CCSER1: variants seen among roughly 807,000 people sequenced by gnomAD.
CCSER1 encodes the protein coiled-coil serine rich protein 1, also known as serine-rich coiled-coil domain-containing protein 1.
In CCSER1, 41 loss-of-function variants were observed where a neutral mutation model predicts 82.0. The ratio of observed to expected loss-of-function variants is 0.50; its 90% CI spans 0.39 to 0.65. The LOEUF (loss-of-function observed/expected upper bound fraction) is 0.65. Ranked by LOEUF, CCSER1 falls within the 30% of genes least tolerant of loss-of-function variation. CCSER1 has a pLI of 0.00. For synonymous variants in CCSER1, 414 were observed against 383.9 expected (o/e 1.08, Z -0.92); for missense variants, 1,119 against 1,064.2 (o/e 1.05, Z -0.72).
chr4:90,364,909 A>AT (rs1400015228), intron 3 of CCSER1, among the ~76,000 whole-genome samples: 6 of 151,922 alleles, frequency 3.9e-5, no homozygotes, highest in Admixed American at 3.9e-4. Context: ...TCATTAATCC[A>AT]TACAATGACT....
At chr4:90,875,205 A>G (rs1253019201) in intron 8 of CCSER1, among the ~76,000 whole-genome samples, 1 of 152,168 alleles carries the variant, frequency 6.6e-6, no homozygotes, top group East Asian at 1.9e-4. Context: ...CACTTGAACA[A>G]TTACGTGTTG....
chr4:90,535,289 T>C (rs1775173053), intron 5 of CCSER1, among the ~76,000 whole-genome samples: 1 of 152,126 alleles, frequency 6.6e-6, no homozygotes, highest in South Asian at 2.1e-4. Flanking sequence ...AGTATAGGCA[T>C]TAGACATCAT....
chr4:91,492,556 C>T (rs1258119247), intron 10 of CCSER1, among the ~76,000 whole-genome samples: 3 of 152,062 alleles, frequency 2.0e-5, no homozygotes, highest in African/African-American at 4.8e-5. Flanking sequence ...TGTGTTTTGA[C>T]TATAAACTGT....
At chr4:90,957,244 G>GC (rs1175598385) in intron 9 of CCSER1, among the ~76,000 whole-genome samples, 47 of 69,816 alleles carry the variant, frequency 6.7e-4, no homozygotes, top group African/African-American at 1.7e-3. Flanking sequence ...TGGGATTACA[G>GC]GCCCCCCCCA....
intron 7 of CCSER1, among the ~76,000 whole-genome samples, chr4:90,789,483 G>A (rs561813953): frequency 3.7e-4 from 56 of 151,910 alleles, no homozygotes; most frequent in Non-Finnish European, 6.3e-4. Flanking sequence ...TCATACTCAC[G>A]TAGCCAATGT....
intron 10 of CCSER1, among the ~76,000 whole-genome samples, chr4:91,180,515 G>C (rs1283874832): frequency 6.6e-6 from 1 of 152,194 alleles, no homozygotes; most frequent in Non-Finnish European, 1.5e-5. Flanking sequence ...AATGGCGGAC[G>C]CCCCTTCCCC....
intron 1 of CCSER1, among the ~76,000 whole-genome samples, chr4:90,211,876 G>A (rs770359646): frequency 3.9e-5 from 6 of 152,104 alleles, no homozygotes; most frequent in Non-Finnish European, 7.4e-5. Context: ...ATAGACAGAA[G>A]TAGAAAAGAA....
Position 90,490,167 on chromosome 4 carries a change from A to G in CCSER1, c.1724+21813A>G, listed in dbSNP as rs558863144. 2.2e-4 allele frequency among the ~76,000 whole-genome samples: 34 copies of G among 152,172 alleles called. No homozygotes were observed. In the East Asian group the frequency reaches 6.2e-3, roughly 28 times the overall value. ...TGTCAAAGTGTTCCTATTTCTCCAC[A>G]TCCTCTCCAGCACCTGTTGTTTCCT... On this transcript the variant is annotated intron_variant, in intron 5 of 10. Coordinates refer to ENST00000509176, the MANE Select transcript of CCSER1 (RefSeq NM_001145065.2).
intron 7 of CCSER1, among the ~76,000 whole-genome samples, chr4:90,806,120 T>A (rs1192877249): frequency 6.6e-6 from 1 of 152,228 alleles, no homozygotes; most frequent in Non-Finnish European, 1.5e-5. Context: ...AGCTAATATT[T>A]ATGTGAATGT....
chr4:90,864,344 C>T (rs975727182), intron 8 of CCSER1, among the ~76,000 whole-genome samples: 1 of 151,952 alleles, frequency 6.6e-6, no homozygotes, highest in South Asian at 2.1e-4. Flanking sequence ...AAACAACCTC[C>T]AATGCAACAG....
chr4:91,450,083 T>C (rs1426081908), intron 10 of CCSER1, among the ~76,000 whole-genome samples: 2 of 149,356 alleles, frequency 1.3e-5, no homozygotes, highest in African/African-American at 5.0e-5. Flanking sequence ...GGGCAAGTTA[T>C]ATGCTGAAAC....
chr4:90,149,563 A>T (rs529493248), intron 1 of CCSER1, among the ~76,000 whole-genome samples: 37 of 152,306 alleles, frequency 2.4e-4, no homozygotes, highest in African/African-American at 8.4e-4. Context: ...ATACTTAAAA[A>T]ATGTGTTAAT....
At chr4:91,162,000 T>G (rs917901051) in intron 10 of CCSER1, among the ~76,000 whole-genome samples, 3 of 152,192 alleles carry the variant, frequency 2.0e-5, no homozygotes, top group Non-Finnish European at 1.5e-5. Context: ...AGAGGCATCC[T>G]TGTCTGGTGC....
chr4:90,276,087 T>C (rs1181132491), intron 1 of CCSER1, among the ~76,000 whole-genome samples: 1 of 152,128 alleles, frequency 6.6e-6, no homozygotes, highest in African/African-American at 2.4e-5. Flanking sequence ...GCCCACAACC[T>C]GACATATCTT....
chr4:90,589,197 TAGAG>T (rs1782398847), intron 5 of CCSER1, among the ~76,000 whole-genome samples: 2 of 152,126 alleles, frequency 1.3e-5, no homozygotes, highest in Non-Finnish European at 2.9e-5. Flanking sequence ...TTATTAAAAT[TAGAG>T]AGGGTGTCTG....
At chr4:91,334,500 C>T (rs80176190) in intron 10 of CCSER1, among the ~76,000 whole-genome samples, 8,841 of 152,024 alleles carry the variant, frequency 0.058, 330 homozygotes, top group South Asian at 0.11. Flanking sequence ...AAAGCAGTTG[C>T]TACCATTGTA....
At chr4:91,221,541 G>T (rs894526599) in intron 10 of CCSER1, among the ~76,000 whole-genome samples, 2 of 147,324 alleles carry the variant, frequency 1.4e-5, no homozygotes, top group Admixed American at 1.4e-4. Flanking sequence ...ATTTTCAATG[G>T]AATGAATAAC....
intron 9 of CCSER1, among the ~76,000 whole-genome samples, chr4:90,988,860 T>C (rs1233331512): frequency 6.6e-6 from 1 of 151,778 alleles, no homozygotes; most frequent in Non-Finnish European, 1.5e-5. Context: ...ACATAAGTGG[T>C]CTGTTTTGTG....
Position 90,347,922 on chromosome 4 carries a change from A to C in CCSER1, c.1509+34875A>C, listed in dbSNP as rs556861937. On this transcript the variant is annotated intron_variant, in intron 3 of 10. Coordinates refer to ENST00000509176, the MANE Select transcript of CCSER1 (RefSeq NM_001145065.2). ...CTGATATCCCAGTAAACACCATGGA[A>C]TATTATGCAGCCATAAAAAAGAACA... Among the ~76,000 whole-genome samples, 6 of 152,320 alleles carry C rather than the reference A, an allele frequency of 3.9e-5. No homozygotes were observed. In the South Asian group the frequency reaches 1.2e-3, roughly 32 times the overall value.
Sources: gnomAD v4.1 joint callset for allele counts (sites outside exome capture counted in the v4.1 genomes callset) on GRCh38, gnomAD v4.1.1 for gene constraint, MANE v1.5 for transcripts, NCBI Gene and HGNC (gene_info 2026-07-23, HGNC 2026-07-21) for gene names.